STK10: variants seen among roughly 807,000 people sequenced by gnomAD.
The protein encoded by STK10 is serine/threonine-protein kinase 10.
Under a neutral mutation model 113.8 loss-of-function variants are expected in STK10, and 78 were observed. The ratio of observed to expected loss-of-function variants is 0.69; its 90% CI spans 0.57 to 0.83. The LOEUF (loss-of-function observed/expected upper bound fraction) is 0.83, where lower values mean the gene tolerates loss of function less well. Among genes scored for constraint, STK10 ranks in the 40% least tolerant of loss-of-function variants. STK10 has a pLI of 0.00. For missense variants in STK10, 1,109 were observed against 1,280.1 expected (o/e 0.87, Z 2.04); for synonymous variants, 465 against 494.7 (o/e 0.94, Z 0.80).
rs1301065051 is a variant in STK10 at position 172,044,267 on chromosome 5, T to G, written c.*615A>C. Reference sequence around the variant, plus strand: ...AACACGGGAGAAGCAGAATAAACATTTCAGCCTCCCTCTTTCCCCGGTCCC... The same window carrying G: ...AACACGGGAGAAGCAGAATAAACATGTCAGCCTCCCTCTTTCCCCGGTCCC... On this transcript the variant is annotated 3_prime_UTR_variant, in exon 19 of 19. Transcript: ENST00000176763. This position sits in a 1 kb window ranked among gnomAD's most constrained non-coding sequence, Gnocchi z 4.5. The G allele has an allele frequency of 1.3e-5, 2 of 155,068 alleles. No homozygotes were observed. Among genetic ancestry groups the G allele is most frequent in the African/African-American group, 4.8e-5 (2 of 41,418 alleles). The allele number at this position is 155,068 out of a possible 1,614,324, so 9.6% of individuals were successfully genotyped here. A position where few individuals can be genotyped will look rare whatever the true frequency, so the allele number is the denominator to read the frequency against.
intron 4 of STK10, among the ~76,000 whole-genome samples, chr5:172,111,960 A>G (rs765734845): frequency 6.6e-6 from 1 of 152,272 alleles, no homozygotes; most frequent in African/African-American, 2.4e-5. Context: ...AACCAGATCT[A>G]TAATATATAT....
chr5:172,178,270 C>T (rs556210625), intron 1 of STK10, among the ~76,000 whole-genome samples: 32 of 152,310 alleles, frequency 2.1e-4, no homozygotes, highest in Admixed American at 1.2e-3. Context: ...ATCCTCAGGC[C>T]ACATCAGGCC....
rs1767926042 is a variant in STK10 at position 172,061,200 on chromosome 5, G to C, written c.2151C>G (p.Asn717Lys). Reference protein sequence around the residue: ...ELAMKRLTTDNRREICDKERE... With the variant: ...ELAMKRLTTDKRREICDKERE... ...GCTCCTTGTCACAGATCTCCCGCCT[G>C]TTGTCGGTGGTGAGCCTCTTCATGG... The change falls in exon 14 of 19, where the codon AAC (asparagine) becomes AAG (lysine). Residue 717 changes from asparagine to lysine, a missense_variant. Transcript: ENST00000176763. 6.2e-7 allele frequency: 1 copy of C among 1,613,434 alleles called. No homozygotes were observed. The highest frequency in any genetic ancestry group is 1.3e-5 in the African/African-American group (1 of 74,816).
chr5:172,058,786 G>C (rs1767860107), intron 14 of STK10, among the ~76,000 whole-genome samples: 1 of 151,928 alleles, frequency 6.6e-6, no homozygotes, highest in African/African-American at 2.4e-5. Flanking sequence ...GCTGCTCAGG[G>C]GCCTAAGGCA....
intron 4 of STK10, among the ~76,000 whole-genome samples, chr5:172,110,633 G>A (rs1045381855): frequency 3.9e-5 from 6 of 152,096 alleles, no homozygotes; most frequent in Non-Finnish European, 7.4e-5. Context: ...GACCAGCGGG[G>A]ACAGGACACA....
At chr5:172,102,058 C>T (rs1332519253) in intron 7 of STK10, among the ~76,000 whole-genome samples, 1 of 151,950 alleles carries the variant, frequency 6.6e-6, no homozygotes, top group Non-Finnish European at 1.5e-5. Flanking sequence ...AGCTTTGGCC[C>T]GGGGAGGACA....
Position 172,093,380 on chromosome 5 carries a change from C to A in STK10, c.1554+32G>T. The A allele has an allele frequency of 6.4e-7, 1 of 1,555,304 alleles. No homozygotes were observed. Among genetic ancestry groups the A allele is most frequent in the Non-Finnish European group, 8.7e-7 (1 of 1,146,594 alleles). On this transcript the variant is annotated intron_variant, in intron 9 of 18. Transcript: ENST00000176763. This position sits in a 1 kb window ranked among gnomAD's most constrained non-coding sequence, Gnocchi z 4.1. ...CACAGAACATCCTGCAATGGTCTTGCTGCAAGCCCGTGGTGGCAGAGGCGG... is the reference window on the plus strand; with the variant it reads ...CACAGAACATCCTGCAATGGTCTTGATGCAAGCCCGTGGTGGCAGAGGCGG...
intron 2 of STK10, among the ~76,000 whole-genome samples, chr5:172,142,577 G>A (rs2113802565): frequency 6.6e-6 from 1 of 152,152 alleles, no homozygotes; most frequent in African/African-American, 2.4e-5. Flanking sequence ...GCTTTCCATG[G>A]ATTATCTCAC....
rs1285098926 is a variant in STK10, at chr5:172,056,228, G to C, written c.2338-452C>G. On this transcript the variant is annotated intron_variant, in intron 15 of 18. Coordinates refer to ENST00000176763, the MANE Select transcript of STK10 (RefSeq NM_005990.4). ...CTTCCCCGATTTCTTCACTTGGTTG[G>C]GTAGCCTTATTCTGAACTCCCATGG... Among the ~76,000 whole-genome samples, 3 of 152,242 alleles carry C rather than the reference G, an allele frequency of 2.0e-5. No homozygotes were observed. The East Asian group carries it at 5.8e-4, about 29-fold the overall frequency.
chr5:172,181,485 AAT>A (rs1770854623), intron 1 of STK10, among the ~76,000 whole-genome samples: 1 of 139,164 alleles, frequency 7.2e-6, no homozygotes. Flanking sequence ...AATTTATTTT[AAT>A]TTTTTTTTTT....
At chr5:172,101,866 G>A (rs928877992) in intron 7 of STK10, among the ~76,000 whole-genome samples, 35 of 152,050 alleles carry the variant, frequency 2.3e-4, no homozygotes, top group African/African-American at 8.2e-4. Context: ...AGGCCCTGAG[G>A]CAGGAACATG....
At chr5:172,141,482 G>A (rs1436655780) in intron 2 of STK10, among the ~76,000 whole-genome samples, 1 of 151,718 alleles carries the variant, frequency 6.6e-6, no homozygotes, top group African/African-American at 2.4e-5. Context: ...TCAGGAGGCT[G>A]ACGTGGGAGG....
chr5:172,083,000 C>CTGCA lies in STK10; in HGVS notation c.1766_1769dup (p.Gln590HisfsTer8), dbSNP rs1416659679. The CTGCA allele has an allele frequency of 5.6e-6, 9 of 1,614,074 alleles. No homozygotes were observed. Among genetic ancestry groups the CTGCA allele is most frequent in the Non-Finnish European group, 7.6e-6 (9 of 1,180,036 alleles). On this transcript the variant is annotated frameshift_variant, in exon 11 of 19. Coordinates refer to ENST00000176763, the MANE Select transcript of STK10 (RefSeq NM_005990.4). LOFTEE classifies it high-confidence loss of function. This position sits in a 1 kb window ranked among gnomAD's most constrained non-coding sequence, Gnocchi z 4.3. ...CAAAACGTTTATGCATTTGCTCCAGCTGCAGCTCATGCTTGTTACTCAGCT... is the reference window on the plus strand; with the variant it reads ...CAAAACGTTTATGCATTTGCTCCAGCTGCATGCAGCTCATGCTTGTTACTCAGCT...
chr5:172,129,514 T>C (rs1454873087), intron 2 of STK10, among the ~76,000 whole-genome samples: 1 of 152,176 alleles, frequency 6.6e-6, no homozygotes, highest in Non-Finnish European at 1.5e-5. Flanking sequence ...TGCATGCTGA[T>C]CCCGAACGCC....
intron 2 of STK10, among the ~76,000 whole-genome samples, chr5:172,155,982 G>C (rs1186065516): frequency 6.6e-6 from 1 of 151,430 alleles, no homozygotes; most frequent in Non-Finnish European, 1.5e-5. Flanking sequence ...GCAACAGAAC[G>C]AGGCTCCATC....
Position 172,044,881 on chromosome 5 carries a change from G to A in STK10, c.*1C>T. 1 of 1,614,212 alleles carries A rather than the reference G, an allele frequency of 6.2e-7. No homozygotes were observed. Among genetic ancestry groups the A allele is most frequent in the South Asian group, 1.1e-5 (1 of 91,086 alleles). Reference sequence around the variant, plus strand: ...CTGCCAGCCACAGCCCCGGGCGGTTGTTAAGAAGCATCCGCAGAACTGTAG... The same window carrying A: ...CTGCCAGCCACAGCCCCGGGCGGTTATTAAGAAGCATCCGCAGAACTGTAG... On this transcript the variant is annotated 3_prime_UTR_variant, in exon 19 of 19. Transcript: ENST00000176763. This position sits in a 1 kb window ranked among gnomAD's most constrained non-coding sequence, Gnocchi z 4.5.
At chr5:172,097,385 A>C (rs1363302702) in intron 7 of STK10, among the ~76,000 whole-genome samples, 3 of 152,182 alleles carry the variant, frequency 2.0e-5, no homozygotes, top group African/African-American at 7.2e-5. Flanking sequence ...ACTGCCACCC[A>C]GCTCAAGATA....
intron 3 of STK10, among the ~76,000 whole-genome samples, chr5:172,119,416 T>A (rs1389950946): frequency 1.3e-5 from 2 of 151,058 alleles, no homozygotes; most frequent in Non-Finnish European, 3.0e-5. Context: ...ATTTTTGCAT[T>A]AAAAAAAAAT....
In STK10 at chr5:172,188,068, C is replaced by G. The variant is rs557366816; in HGVS notation, c.-26G>C. 1.3e-6 allele frequency: 2 copies of G among 1,585,024 alleles called. No homozygotes were observed. Among genetic ancestry groups the G allele is most frequent in the African/African-American group, 1.3e-5 (1 of 74,412 alleles). ...GGCCGGGGGCGCGGTGGCGCCGGCT[C>G]GGGCTCGGGCTCGGGCTCGGGCTGT... On this transcript the variant is annotated 5_prime_UTR_variant, in exon 1 of 19. Transcript: ENST00000176763. This position sits in a 1 kb window ranked among gnomAD's most constrained non-coding sequence, Gnocchi z 5.6.
Sources: gnomAD v4.1 joint callset for allele counts (sites outside exome capture counted in the v4.1 genomes callset) on GRCh38, gnomAD v4.1.1 for gene constraint, Gnocchi (gnomAD v3.1) non-coding constraint, MANE v1.5 for transcripts, NCBI Gene and HGNC (gene_info 2026-07-23, HGNC 2026-07-21) for gene names.